Variants in KAT6B observed in about 807,000 individuals in gnomAD.
KAT6B encodes lysine acetyltransferase 6B, also known as histone acetyltransferase KAT6B.
KAT6B carries 10 observed loss-of-function variants against 187.5 expected under a neutral mutation model. That is an observed-to-expected ratio of 0.05 (90% confidence interval 0.03 to 0.09). The LOEUF (loss-of-function observed/expected upper bound fraction) is 0.09. Ranked by LOEUF, KAT6B falls within the 10% of genes least tolerant of loss-of-function variation. The pLI is 1.00. For missense variants in KAT6B, 1,952 were observed against 2,558.9 expected, an observed-to-expected ratio of 0.76 and a Z score of 5.12; for synonymous variants, 861 against 926.8, an observed-to-expected ratio of 0.93 and a Z score of 1.29.
chr10:74,908,037 T>TTAC (rs1483080198), intron 3 of KAT6B, among the ~76,000 whole-genome samples: 1 of 152,064 alleles, frequency 6.6e-6, no homozygotes, highest in Non-Finnish European at 1.5e-5. Flanking sequence ...CATTCATGGA[T>TTAC]TACTAGATTA....
intron 3 of KAT6B, among the ~76,000 whole-genome samples, chr10:74,863,950 T>C (rs1338736724): frequency 6.6e-6 from 1 of 152,266 alleles, no homozygotes; most frequent in Admixed American, 6.5e-5. Flanking sequence ...TACACTTTTC[T>C]CTTTCCCTTT....
At chr10:74,863,633 G>A (rs1843347197) in intron 3 of KAT6B, among the ~76,000 whole-genome samples, 1 of 152,218 alleles carries the variant, frequency 6.6e-6, no homozygotes, top group Non-Finnish European at 1.5e-5. Flanking sequence ...CTTTTGTCAT[G>A]TTAATGTAGT....
intron 3 of KAT6B, among the ~76,000 whole-genome samples, chr10:74,959,268 C>T (rs1439004539): frequency 1.3e-5 from 2 of 152,078 alleles, no homozygotes; most frequent in Non-Finnish European, 2.9e-5. Context: ...TGAATAATAG[C>T]AATCTGCGCT....
intron 3 of KAT6B, among the ~76,000 whole-genome samples, chr10:74,889,046 TG>T (rs1055796916): frequency 2.6e-5 from 4 of 152,218 alleles, no homozygotes; most frequent in African/African-American, 9.7e-5. Context: ...AAACTCTTGG[TG>T]AAGCATAGTG....
In KAT6B at chr10:75,032,248, A is replaced by T. The variant is rs1414850693; in HGVS notation, c.*1202A>T. On this transcript the variant is annotated 3_prime_UTR_variant, in exon 18 of 18. Transcript: ENST00000287239. Reference sequence around the variant, plus strand: ...AAAAAAACAAAAAACAAACAAAAAAAAGCTGTACATTTTAACATAAAATAA... The same window carrying T: ...AAAAAAACAAAAAACAAACAAAAAATAGCTGTACATTTTAACATAAAATAA... 1 of 192,672 alleles carries T rather than the reference A, an allele frequency of 5.2e-6. No individual in the cohort carries two copies. The highest frequency in any genetic ancestry group is 8.3e-5 in the East Asian group (1 of 12,112). 11.9% of individuals were successfully genotyped at this position (192,672 alleles called of 1,614,324 possible).
chr10:74,857,358 T>A (rs1018957759), intron 3 of KAT6B, among the ~76,000 whole-genome samples: 1 of 152,234 alleles, frequency 6.6e-6, no homozygotes, highest in African/African-American at 2.4e-5. Flanking sequence ...ATTCCTTGAC[T>A]CATGATCCCT....
intron 3 of KAT6B, among the ~76,000 whole-genome samples, chr10:74,938,515 C>T (rs534124195): frequency 6.6e-6 from 1 of 152,122 alleles, no homozygotes; most frequent in South Asian, 2.1e-4. Context: ...AAAAACCATG[C>T]CTGACAATAC....
intron 3 of KAT6B, among the ~76,000 whole-genome samples, chr10:74,874,889 A>G (rs974671264): frequency 2.0e-5 from 3 of 151,670 alleles, no homozygotes; most frequent in African/African-American, 7.3e-5. Flanking sequence ...GCAATTTTAG[A>G]TTTACAGCAA....
chr10:75,008,469 T>C (rs1346416236), intron 13 of KAT6B, among the ~76,000 whole-genome samples: 1 of 152,218 alleles, frequency 6.6e-6, no homozygotes, highest in Non-Finnish European at 1.5e-5. Flanking sequence ...GCTCTGCTAT[T>C]TATCAGAAAA....
At chr10:74,962,626 A>G (rs1841179938) in intron 4 of KAT6B, among the ~76,000 whole-genome samples, 1 of 152,242 alleles carries the variant, frequency 6.6e-6, no homozygotes. Context: ...GGGGAGGATC[A>G]TTCTTAAATG....
At chr10:74,974,979 GCTT>G (rs1164829203) in intron 7 of KAT6B, among the ~76,000 whole-genome samples, 1 of 152,160 alleles carries the variant, frequency 6.6e-6, no homozygotes, top group African/African-American at 2.4e-5. Flanking sequence ...GATTAGATAA[GCTT>G]CTTCTTTTGC....
intron 3 of KAT6B, among the ~76,000 whole-genome samples, chr10:74,913,014 C>T (rs959653884): frequency 6.6e-6 from 1 of 152,020 alleles, no homozygotes; most frequent in African/African-American, 2.4e-5. Context: ...ATATGATAAT[C>T]CTGGAGATAA....
intron 3 of KAT6B, among the ~76,000 whole-genome samples, chr10:74,890,423 G>A (rs911879121): frequency 1.3e-5 from 2 of 152,146 alleles, no homozygotes; most frequent in Admixed American, 6.5e-5. Flanking sequence ...CAGATTGCTT[G>A]AGGCTAGGAG....
chr10:74,939,050 A>AACACACAC lies in KAT6B; in HGVS notation c.622-20899_622-20892dup, dbSNP rs112617639. Among the ~76,000 whole-genome samples, 632 of 145,764 alleles carry AACACACAC rather than the reference A, an allele frequency of 4.3e-3. 5 individuals are homozygous for AACACACAC. The highest frequency in any genetic ancestry group is 0.017 in the East Asian group (86 of 4,944). ...CCGTGCCCAGCCCCTTTATTTTCTT[A>AACACACAC]ACACACACACACACACACACACACA... On this transcript the variant is annotated intron_variant, in intron 3 of 17. Transcript: ENST00000287239.
intron 4 of KAT6B, among the ~76,000 whole-genome samples, chr10:74,963,056 T>C (rs1841214755): frequency 6.6e-6 from 1 of 152,160 alleles, no homozygotes; most frequent in Non-Finnish European, 1.5e-5. Context: ...CACAGAGCTA[T>C]TGTGGGATCC....
At chr10:74,857,192 A>G (rs1247643009) in intron 3 of KAT6B, among the ~76,000 whole-genome samples, 1 of 152,256 alleles carries the variant, frequency 6.6e-6, no homozygotes, top group Non-Finnish European at 1.5e-5. Flanking sequence ...ATGGTTTAAC[A>G]CAACACAAAT....
intron 3 of KAT6B, among the ~76,000 whole-genome samples, chr10:74,866,133 T>TA (rs1424244951): frequency 6.6e-6 from 1 of 152,030 alleles, no homozygotes; most frequent in Non-Finnish European, 1.5e-5. Context: ...ATGACAATAT[T>TA]AAAAAATTAC....
chr10:74,883,003 G>A (rs890567199), intron 3 of KAT6B, among the ~76,000 whole-genome samples: 1 of 152,158 alleles, frequency 6.6e-6, no homozygotes, highest in African/African-American at 2.4e-5. Context: ...ATATGGGAAT[G>A]TATTCCTCAT....
At chr10:74,900,304 T>C (rs1846288214) in intron 3 of KAT6B, among the ~76,000 whole-genome samples, 1 of 152,244 alleles carries the variant, frequency 6.6e-6, no homozygotes, top group Admixed American at 6.5e-5. Context: ...ATATCAGACT[T>C]AGCTAGAGAC....
Sources: gnomAD v4.1 joint callset for allele counts (sites outside exome capture counted in the v4.1 genomes callset) on GRCh38, gnomAD v4.1.1 for gene constraint, MANE v1.5 for transcripts, NCBI Gene and HGNC (gene_info 2026-07-23, HGNC 2026-07-21) for gene names.